Variants in CEP97 observed in about 807,000 individuals in gnomAD.
The protein encoded by CEP97 is centrosomal protein 97.
Under a neutral mutation model 73.1 loss-of-function variants are expected in CEP97, and 43 were observed. The ratio of observed to expected loss-of-function variants is 0.59; its 90% CI spans 0.46 to 0.76. The LOEUF (loss-of-function observed/expected upper bound fraction) is 0.76. Ranked by LOEUF, CEP97 falls within the 30% of genes least tolerant of loss-of-function variation. CEP97 has a pLI of 0.00. For synonymous variants in CEP97, 337 were observed against 370.0 expected (o/e 0.91, Z 1.02); for missense variants, 939 against 1,014.0 (o/e 0.93, Z 1.00).
At position 101,762,578 on chromosome 3, in the gene CEP97, G is replaced by T. The variant is rs1358659395; in HGVS notation, c.1893+18G>T. On this transcript the variant is annotated intron_variant, in intron 10 of 10. Transcript: ENST00000341893. ...GGAACCAGGTAAACTCCCTCCTGCT[G>T]ATTTACCTCATATATGATCAAATAC... 2.5e-6 allele frequency: 4 copies of T among 1,570,712 alleles called. No individual in the cohort carries two copies. In the South Asian group the frequency reaches 4.5e-5, roughly 18 times the overall value.
rs1030709921 is a variant in CEP97, at chr3:101,766,250, A to C, written c.*699A>C. 1 of 152,250 alleles carries C rather than the reference A, an allele frequency of 6.6e-6. No homozygotes were observed. The highest frequency in any genetic ancestry group is 1.5e-5 in the Non-Finnish European group (1 of 68,032). The allele number at this position is 152,250 out of a possible 1,614,324, so 9.4% of individuals were successfully genotyped here. On this transcript the variant is annotated 3_prime_UTR_variant, in exon 11 of 11. Transcript: ENST00000341893. ...TTAAAGTCAAGTTTACTTAGGCAAC[A>C]CAAGAATATTTCACTTAGATATGAA... is the stretch of plus-strand genomic sequence containing the variant.
intron 9 of CEP97, among the ~76,000 whole-genome samples, chr3:101,762,080 A>G (rs1939191011): frequency 6.6e-6 from 1 of 152,122 alleles, no homozygotes; most frequent in South Asian, 2.1e-4. Flanking sequence ...ATTGTTTTGG[A>G]GGCTTTGGAT....
In CEP97 at chr3:101,757,747, G is replaced by T; in HGVS notation, c.1141G>T (p.Asp381Tyr). ...SVHTTRYSRNDLHLEDIQTDE... is the reference protein window; with the variant it reads ...SVHTTRYSRNYLHLEDIQTDE... ...ACACACTACGAGATATTCTCGAAAT[G>T]ATCTGCACCTGGAAGACATACAGAC... Residue 381 changes from aspartate (D) to tyrosine (Y), a missense_variant, in exon 9 of 11, where the codon GAT (aspartate) becomes TAT (tyrosine). Coordinates refer to ENST00000341893, the MANE Select transcript of CEP97 (RefSeq NM_024548.4). The T allele has an allele frequency of 6.2e-7, 1 of 1,614,222 alleles. No individual in the cohort carries two copies. The highest frequency in any genetic ancestry group is 8.5e-7 in the Non-Finnish European group (1 of 1,180,044).
intron 6 of CEP97, among the ~76,000 whole-genome samples, chr3:101,750,975 T>G (rs1938793971): frequency 6.6e-6 from 1 of 152,194 alleles, no homozygotes; most frequent in Non-Finnish European, 1.5e-5. Flanking sequence ...TGTTTGCTCT[T>G]GCTTTTCTAG....
intron 9 of CEP97, among the ~76,000 whole-genome samples, chr3:101,760,787 G>C (rs1318407378): frequency 6.6e-6 from 1 of 152,090 alleles, no homozygotes; most frequent in East Asian, 1.9e-4. Flanking sequence ...CAGTCCTCCT[G>C]CCTCAGCCTC....
At chr3:101,748,798 G>A (rs556014759) in intron 6 of CEP97, among the ~76,000 whole-genome samples, 7 of 151,976 alleles carry the variant, frequency 4.6e-5, no homozygotes, top group African/African-American at 1.5e-4. Flanking sequence ...ATGCCACCAC[G>A]CCTGGCTAAT....
At chr3:101,754,768 A>G (rs1938956778) in intron 6 of CEP97, among the ~76,000 whole-genome samples, 2 of 151,880 alleles carry the variant, frequency 1.3e-5, no homozygotes, top group South Asian at 4.1e-4. Context: ...AAGTCAGAGT[A>G]TTTGTCCTAT....
chr3:101,757,846 C>CAGTG lies in CEP97; in HGVS notation c.1240_1241insAGTG (p.Pro414GlnfsTer8). 1 of 1,614,236 alleles carries CAGTG rather than the reference C, an allele frequency of 6.2e-7. No individual in the cohort carries two copies. Among genetic ancestry groups the CAGTG allele is most frequent in the Non-Finnish European group, 8.5e-7 (1 of 1,180,052 alleles). ...TATGCCAGTTGCATCAGGACTGTCT[C>CAGTG]CACTATCACCTACAGTTGAGCTGAG... is the stretch of plus-strand genomic sequence containing the variant. On this transcript the variant is annotated frameshift_variant, in exon 9 of 11. Coordinates refer to ENST00000341893, the MANE Select transcript of CEP97 (RefSeq NM_024548.4). LOFTEE classifies it high-confidence loss of function.
chr3:101,769,784 A>G lies in CEP97; in HGVS notation c.*4233A>G, dbSNP rs1939414407. On this transcript the variant is annotated 3_prime_UTR_variant, in exon 11 of 11. Coordinates refer to ENST00000341893, the MANE Select transcript of CEP97 (RefSeq NM_024548.4). ...TGAAGTGAAGCAGAAAGGGTCTGTA[A>G]GGAACATTCTAAACATTTTTAATGA... The G allele has an allele frequency of 1.3e-5, 2 of 152,242 alleles. No homozygotes were observed. Among genetic ancestry groups the G allele is most frequent in the African/African-American group, 2.4e-5 (1 of 41,458 alleles). The allele number at this position is 152,242 out of a possible 1,614,324, so 9.4% of individuals were successfully genotyped here. A position where few individuals can be genotyped will look rare whatever the true frequency, so the allele number is the denominator to read the frequency against.
At chr3:101,756,917 A>G in intron 7 of CEP97, 146 bp from the exon 8 acceptor site, 1 of 696,810 alleles carries the variant, frequency 1.4e-6, no homozygotes, top group East Asian at 2.8e-5. Context: ...GTGCTTTCAA[A>G]TGAGGATTTA....
intron 6 of CEP97, among the ~76,000 whole-genome samples, chr3:101,738,291 C>T (rs1306432638): frequency 6.6e-6 from 1 of 152,132 alleles, no homozygotes; most frequent in Non-Finnish European, 1.5e-5. Context: ...ATCAACAAGA[C>T]AGAAAATTAA....
At chr3:101,761,053 G>T (rs1460950322) in intron 9 of CEP97, among the ~76,000 whole-genome samples, 1 of 151,786 alleles carries the variant, frequency 6.6e-6, no homozygotes, top group Non-Finnish European at 1.5e-5. Flanking sequence ...TTTTAGTAAA[G>T]ACAGGGTTTC....
At chr3:101,725,169 A>C (rs1293203771) in intron 1 of CEP97, among the ~76,000 whole-genome samples, 1 of 151,920 alleles carries the variant, frequency 6.6e-6, no homozygotes, top group Non-Finnish European at 1.5e-5. Flanking sequence ...CTGGCTTTGA[A>C]CCCTTCCTCG....
chr3:101,753,279 C>T (rs1298929658), intron 6 of CEP97, among the ~76,000 whole-genome samples: 3 of 152,190 alleles, frequency 2.0e-5, no homozygotes, highest in Non-Finnish European at 2.9e-5. Flanking sequence ...GAGTACCCGG[C>T]TGTGTGAGGT....
intron 2 of CEP97, among the ~76,000 whole-genome samples, 192 bp downstream of exon 2, chr3:101,726,928 A>G (rs543514067): frequency 1.3e-5 from 2 of 152,316 alleles, no homozygotes; most frequent in South Asian, 2.1e-4. Flanking sequence ...AAAAAAAAGC[A>G]TTGTTAAGAA....
chr3:101,726,609 G>T lies in CEP97; in HGVS notation c.59G>T (p.Trp20Leu). The stretch of plus-strand genomic sequence containing the variant: ...TCTTTTCAAGGATCAGTGGTCAATT[G>T]GTCAGGACAGGGACTACAGAAATTA... ...LPPGEGSVVNWSGQGLQKLGP... is the reference protein window; with the variant it reads ...LPPGEGSVVNLSGQGLQKLGP... The change falls in exon 2 of 11, where the codon TGG becomes TTG. Residue 20 changes from tryptophan (W) to leucine (L), a missense_variant. Transcript: ENST00000341893. The T allele has an allele frequency of 1.3e-6, 2 of 1,594,188 alleles. No homozygotes were observed. The highest frequency in any genetic ancestry group is 1.7e-6 in the Non-Finnish European group (2 of 1,173,390).
At chr3:101,729,941 A>T (rs1370584035) in intron 4 of CEP97, among the ~76,000 whole-genome samples, 1 of 151,752 alleles carries the variant, frequency 6.6e-6, no homozygotes, top group Non-Finnish European at 1.5e-5. Context: ...CGTAGCTGGG[A>T]TTATAGGCGC....
At chr3:101,764,483 T>A (rs1939254596) in intron 10 of CEP97, among the ~76,000 whole-genome samples, 2 of 151,956 alleles carry the variant, frequency 1.3e-5, no homozygotes, top group African/African-American at 4.8e-5. Flanking sequence ...TGATGGTGGG[T>A]GCCTGTAATC....
At chr3:101,761,864 TTTGTGA>T (rs1939186179) in intron 9 of CEP97, among the ~76,000 whole-genome samples, 1 of 151,976 alleles carries the variant, frequency 6.6e-6, no homozygotes, top group Non-Finnish European at 1.5e-5. Flanking sequence ...GAGCCTTAGG[TTTGTGA>T]TAGGCCTAAG....
Sources: allele counts gnomAD v4.1 joint callset (sites outside exome capture counted in the v4.1 genomes callset), GRCh38; gene constraint gnomAD v4.1.1; transcripts MANE v1.5; gene names NCBI Gene and HGNC (gene_info 2026-07-23, HGNC 2026-07-21).